SENP6: variants seen among roughly 807,000 people sequenced by gnomAD.
SENP6 encodes the protein sentrin-specific protease 6.
SENP6 carries 41 observed loss-of-function variants against 134.5 expected under a neutral mutation model. The observed-to-expected ratio is 0.30, with a 90% CI of 0.24 to 0.40. SENP6 has a LOEUF of 0.40. Ranked by LOEUF, SENP6 falls within the 10% of genes least tolerant of loss-of-function variation. SENP6 has a pLI of 1.00. For missense variants in SENP6, 1,248 were observed against 1,312.5 expected, an observed-to-expected ratio of 0.95 and a Z score of 0.76; for synonymous variants, 395 against 429.8, an observed-to-expected ratio of 0.92 and a Z score of 1.00.
chr6:75,655,611 C>T (rs372951963), intron 7 of SENP6, among the ~76,000 whole-genome samples: 2 of 152,138 alleles, frequency 1.3e-5, no homozygotes, highest in South Asian at 2.1e-4. Flanking sequence ...TGAGACTCAT[C>T]CATCCTGGTG....
intron 1 of SENP6, among the ~76,000 whole-genome samples, chr6:75,609,618 G>A (rs664019): frequency 0.92 from 140,116 of 152,260 alleles, 65,063 homozygotes; most frequent in South Asian, 0.99. Flanking sequence ...ACAGTCATGT[G>A]GTATTTTAAA....
chr6:75,667,337 C>T (rs780165252), intron 10 of SENP6, among the ~76,000 whole-genome samples: 6 of 152,128 alleles, frequency 3.9e-5, no homozygotes, highest in Middle Eastern at 3.4e-3. Flanking sequence ...GTAATATGAA[C>T]GATGTCAATA....
rs568963551 is a variant in SENP6, at chr6:75,716,748, T to C, written c.*1154T>C. Reference sequence around the variant, plus strand: ...GTGTATACTTCTTTCAAATGAACTTTGAGACTTGAAACATATTTTAGTCAT... The same window carrying C: ...GTGTATACTTCTTTCAAATGAACTTCGAGACTTGAAACATATTTTAGTCAT... On this transcript the variant is annotated 3_prime_UTR_variant, in exon 24 of 24. Transcript: ENST00000447266. 1 of 152,136 alleles carries C rather than the reference T, an allele frequency of 6.6e-6. No homozygotes were observed. The highest frequency in any genetic ancestry group is 2.1e-4 in the South Asian group (1 of 4,832). 9.4% of individuals were successfully genotyped at this position (152,136 alleles called of 1,614,324 possible).
intron 18 of SENP6, among the ~76,000 whole-genome samples, chr6:75,701,919 C>T (rs1335336503): frequency 6.6e-6 from 1 of 151,986 alleles, no homozygotes; most frequent in Non-Finnish European, 1.5e-5. Context: ...GGATTACAGG[C>T]GTGAGCCACC....
At chr6:75,680,081 T>G (rs921822391) in intron 16 of SENP6, among the ~76,000 whole-genome samples, 3 of 152,226 alleles carry the variant, frequency 2.0e-5, no homozygotes, top group Admixed American at 1.3e-4. Flanking sequence ...GAAGCCTATT[T>G]AAGATATTTT....
chr6:75,669,200 A>T (rs538027346), intron 10 of SENP6, among the ~76,000 whole-genome samples: 1 of 152,120 alleles, frequency 6.6e-6, no homozygotes, highest in East Asian at 1.9e-4. Context: ...AAATACAAAA[A>T]AATTAGCCAG....
chr6:75,680,824 G>C (rs1204895441), intron 16 of SENP6, among the ~76,000 whole-genome samples: 1 of 152,128 alleles, frequency 6.6e-6, no homozygotes, highest in Non-Finnish European at 1.5e-5. Flanking sequence ...TAGAGAACAT[G>C]TACTTTTAGT....
chr6:75,713,449 T>C, intron 21 of SENP6, 64 bp from the exon 22 acceptor site: 1 of 1,326,024 alleles, frequency 7.5e-7, no homozygotes. Context: ...TATGCCACTT[T>C]TAATCCTTTT....
intron 18 of SENP6, among the ~76,000 whole-genome samples, chr6:75,700,787 C>T (rs781550299): frequency 1.5e-4 from 23 of 152,138 alleles, no homozygotes; most frequent in Non-Finnish European, 1.0e-4. Context: ...CCACCGTGCC[C>T]GGCATCATCA....
At position 75,716,006 on chromosome 6, in the gene SENP6, C is replaced by T. The variant is rs2149910666; in HGVS notation, c.*412C>T. ...CAAATATCTATGGTAATATTTTGACCCTTTATATTTGTTCTAAAATAAGTC... is the reference window on the plus strand; with the variant it reads ...CAAATATCTATGGTAATATTTTGACTCTTTATATTTGTTCTAAAATAAGTC... On this transcript the variant is annotated 3_prime_UTR_variant, in exon 24 of 24. Coordinates refer to ENST00000447266, the MANE Select transcript of SENP6 (RefSeq NM_015571.4). The T allele has an allele frequency of 6.6e-6, 1 of 152,540 alleles. No homozygotes were observed. Among genetic ancestry groups the T allele is most frequent in the South Asian group, 2.1e-4 (1 of 4,804 alleles). 9.4% of individuals were successfully genotyped at this position (152,540 alleles called of 1,614,324 possible). A position where few individuals can be genotyped will look rare whatever the true frequency, so the allele number is the denominator to read the frequency against.
chr6:75,633,251 G>A (rs1052657595), intron 3 of SENP6, among the ~76,000 whole-genome samples: 2 of 152,174 alleles, frequency 1.3e-5, no homozygotes, highest in Non-Finnish European at 2.9e-5. Flanking sequence ...CCAGATAGCA[G>A]CAAGGCCTGA....
intron 1 of SENP6, among the ~76,000 whole-genome samples, chr6:75,617,359 C>T (rs945275849): frequency 6.9e-6 from 1 of 144,854 alleles, no homozygotes; most frequent in Non-Finnish European, 1.5e-5. Context: ...CTGCGACCTC[C>T]GTCTCCTGGG....
chr6:75,645,573 C>T (rs13214795), intron 6 of SENP6, among the ~76,000 whole-genome samples: 47,602 of 151,986 alleles, frequency 0.31, 8,781 homozygotes, highest in Admixed American at 0.48. Flanking sequence ...GCCAAGATTG[C>T]GCACGCTACT....
chr6:75,615,523 A>G (rs899527224), intron 1 of SENP6, among the ~76,000 whole-genome samples: 2 of 152,152 alleles, frequency 1.3e-5, no homozygotes, highest in African/African-American at 4.8e-5. Context: ...TGTAAATTAC[A>G]TTTATGATTT....
At chr6:75,646,242 A>C (rs1194210499) in intron 6 of SENP6, among the ~76,000 whole-genome samples, 1 of 152,186 alleles carries the variant, frequency 6.6e-6, no homozygotes, top group East Asian at 1.9e-4. Flanking sequence ...ACTACATCTC[A>C]GGCAAATTCT....
At chr6:75,675,701 G>A (rs1169406648) in intron 12 of SENP6, 159 bp from the exon 13 acceptor site, 8 of 847,556 alleles carry the variant, frequency 9.4e-6, no homozygotes, top group Admixed American at 2.7e-5. Flanking sequence ...CTTTAAGGCA[G>A]TTATAAAGAT....
In SENP6 at chr6:75,631,993, A is replaced by AT. The variant is rs1202123626; in HGVS notation, c.208-1582dup. Among the ~76,000 whole-genome samples, 5 of 152,066 alleles carry AT rather than the reference A, an allele frequency of 3.3e-5. No individual in the cohort carries two copies. The East Asian group carries it at 9.6e-4, about 29-fold the overall frequency. Reference sequence around the variant, plus strand: ...TTGTGTTGCCAGGACACAGGCAGATATTTTTTGTTTTTGTTTCTGGGAGCG... The same window carrying AT: ...TTGTGTTGCCAGGACACAGGCAGATATTTTTTTGTTTTTGTTTCTGGGAGCG... On this transcript the variant is annotated intron_variant, in intron 3 of 23. Coordinates refer to ENST00000447266, the MANE Select transcript of SENP6 (RefSeq NM_015571.4).
chr6:75,659,900 G>A (rs1771643486), intron 8 of SENP6, among the ~76,000 whole-genome samples: 1 of 151,864 alleles, frequency 6.6e-6, no homozygotes, highest in African/African-American at 2.4e-5. Context: ...GTGTGTTTTT[G>A]GTTTTTTATA....
chr6:75,695,525 T>A (rs1018320399), intron 16 of SENP6, among the ~76,000 whole-genome samples: 1 of 152,012 alleles, frequency 6.6e-6, no homozygotes, highest in Admixed American at 6.6e-5. Context: ...TTACTTGAGG[T>A]CAGGAGTTCG....
Sources: allele counts gnomAD v4.1 joint callset (sites outside exome capture counted in the v4.1 genomes callset), GRCh38; gene constraint gnomAD v4.1.1; transcripts MANE v1.5; gene names NCBI Gene and HGNC (gene_info 2026-07-23, HGNC 2026-07-21).